NLRP2: variants seen among roughly 807,000 people sequenced by gnomAD.
NLRP2 encodes the protein NLR family pyrin domain containing 2.
In NLRP2, 107 loss-of-function variants were observed where a neutral mutation model predicts 97.2. That is an observed-to-expected ratio of 1.10 (90% confidence interval 0.94 to 1.29). The LOEUF (loss-of-function observed/expected upper bound fraction) is 1.29, where lower values mean the gene tolerates loss of function less well. NLRP2 is among the 50% of genes most tolerant of loss of function. NLRP2 has a pLI of 0.00. For missense variants in NLRP2, 1,495 were observed against 1,330.3 expected, an observed-to-expected ratio of 1.12 and a Z score of -1.93; for synonymous variants, 663 against 551.5, an observed-to-expected ratio of 1.20 and a Z score of -2.83.
At chr19:54,994,551 T>G in intron 11 of NLRP2, 112 bp downstream of exon 11, 2 of 1,088,872 alleles carry the variant, frequency 1.8e-6, no homozygotes, top group South Asian at 1.3e-5. Flanking sequence ...AGAGGACCTT[T>G]ATAGAGTCGA....
rs535953662 is a variant in NLRP2 at position 54,990,140 on chromosome 19, A to G, written c.2485A>G (p.Lys829Glu). 1.2e-6 allele frequency: 2 copies of G among 1,614,094 alleles called. No individual in the cohort carries two copies. The highest frequency in any genetic ancestry group is 2.2e-5 in the East Asian group (1 of 44,872). Reference protein sequence around the residue: ...SDNELLDEGAKLLYTTLRHPK... With the variant: ...SDNELLDEGAELLYTTLRHPK... ...CAATGAGCTTCTGGATGAGGGTGCT[A>G]AGTTGCTGTACACAACTTTGAGACA... The change falls in exon 9 of 13, where the codon AAG (lysine) becomes GAG (glutamate). Residue 829 changes from lysine to glutamate, a missense_variant. By Grantham distance (56) the Lys-to-Glu change is moderately conservative. Coordinates refer to ENST00000448584, the MANE Select transcript of NLRP2 (RefSeq NM_017852.5).
intron 7 of NLRP2, 93 bp from the exon 8 acceptor site, chr19:54,986,058 C>A: frequency 2.3e-6 from 2 of 859,450 alleles, no homozygotes; most frequent in South Asian, 1.4e-5. Flanking sequence ...AAAAATAGTT[C>A]CTAAAGTTTA....
chr19:54,978,234 ATTTT>A (rs5828609), intron 4 of NLRP2, among the ~76,000 whole-genome samples: 17 of 131,756 alleles, frequency 1.3e-4, no homozygotes, highest in African/African-American at 3.8e-4. Context: ...CACCCAGCTA[ATTTT>A]TTTTTTTTTT....
At chr19:54,989,972 C>A in intron 8 of NLRP2, 50 bp from the exon 9 acceptor site, 1 of 1,580,082 alleles carries the variant, frequency 6.3e-7, no homozygotes, top group Non-Finnish European at 8.6e-7. Context: ...AAGAGTGAGA[C>A]TCAGTCTCAA....
intron 6 of NLRP2, 85 bp from the exon 7 acceptor site, chr19:54,984,962 C>A: frequency 7.8e-7 from 1 of 1,286,400 alleles, no homozygotes; most frequent in South Asian, 1.2e-5. Context: ...ACTCATTTGT[C>A]AGGGGTATAT....
intron 8 of NLRP2, among the ~76,000 whole-genome samples, chr19:54,989,186 G>C (rs1254571745): frequency 6.6e-6 from 1 of 151,394 alleles, no homozygotes; most frequent in African/African-American, 2.4e-5. Flanking sequence ...TCAAACTCCT[G>C]ACCTCCTGAT....
chr19:54,991,187 C>T (rs991983847), intron 10 of NLRP2: 10 of 173,882 alleles, frequency 5.8e-5, no homozygotes, highest in Admixed American at 2.7e-4. Flanking sequence ...GGCCAGTGTA[C>T]GCTCAGACTC....
At chr19:54,973,227 A>G (rs1035416971) in intron 2 of NLRP2, among the ~76,000 whole-genome samples, 14 of 151,916 alleles carry the variant, frequency 9.2e-5, no homozygotes, top group Admixed American at 4.0e-4. Flanking sequence ...TAATTACACA[A>G]TGGAATACTC....
At chr19:54,977,729 G>GA in intron 3 of NLRP2, 23 bp from the exon 4 acceptor site, 2 of 1,613,336 alleles carry the variant, frequency 1.2e-6, no homozygotes, top group Non-Finnish European at 1.7e-6. Flanking sequence ...CAACAGGCCT[G>GA]TAATGCCGCC....
At chr19:54,976,466 C>T (rs1234997018) in intron 3 of NLRP2, among the ~76,000 whole-genome samples, 1 of 151,900 alleles carries the variant, frequency 6.6e-6, no homozygotes, top group Admixed American at 6.6e-5. Flanking sequence ...CCTGCCTTAG[C>T]CTCCCAAGTA....
chr19:54,975,848 T>G (rs2071198524), intron 3 of NLRP2, among the ~76,000 whole-genome samples: 1 of 152,046 alleles, frequency 6.6e-6, no homozygotes, highest in Non-Finnish European at 1.5e-5. Flanking sequence ...CCTTCCAGGC[T>G]CCAGAGATCC....
At chr19:54,999,454 C>T (rs995013042) in intron 12 of NLRP2, among the ~76,000 whole-genome samples, 1 of 152,146 alleles carries the variant, frequency 6.6e-6, no homozygotes, top group African/African-American at 2.4e-5. Flanking sequence ...GCCTGCATCT[C>T]CTCTGTTTAA....
intron 1 of NLRP2, among the ~76,000 whole-genome samples, chr19:54,969,659 A>G (rs1176455661): frequency 6.6e-6 from 1 of 152,076 alleles, no homozygotes; most frequent in African/African-American, 2.4e-5. Context: ...TCTCAAAAAT[A>G]AGTAAATAAA....
In NLRP2 at chr19:54,968,701, C is replaced by CTTTTTTTTTTTTTTTTTTTTT. The variant is rs61212213; in HGVS notation, c.-17-1286_-17-1285insTTTTTTTTTTTTTTTTTTTTT. Among the ~76,000 whole-genome samples, 17 of 114,346 alleles carry CTTTTTTTTTTTTTTTTTTTTT rather than the reference C, an allele frequency of 1.5e-4. 1 individual carries two copies. The highest frequency in any genetic ancestry group is 2.6e-4 in the African/African-American group (7 of 26,792). 75.0% of individuals were successfully genotyped at this position (114,346 alleles called of 152,430 possible). On this transcript the variant is annotated intron_variant, in intron 1 of 12. Coordinates refer to ENST00000448584, the MANE Select transcript of NLRP2 (RefSeq NM_017852.5). The stretch of plus-strand genomic sequence containing the variant: ...CTCCACCACTAAGTTATCTTTAAGC[C>CTTTTTTTTTTTTTTTTTTTTT]TTTTTTTTTTTTGAGACAGTTTCAC...
In NLRP2 at chr19:54,985,703, A is replaced by G. The variant is rs867421187; in HGVS notation, c.2202-448A>G. 6.0e-4 allele frequency among the ~76,000 whole-genome samples: 84 copies of G among 140,240 alleles called. 1 individual carries two copies. Among genetic ancestry groups the G allele is most frequent in the African/African-American group, 2.5e-3 (78 of 31,228 alleles). 92.0% of individuals were successfully genotyped at this position (140,240 alleles called of 152,430 possible). ...AAAAAAAAAAAAAAAAAAAAAGAAA[A>G]AGAAAAAAAGGGCCGGGCACAATGG... On this transcript the variant is annotated intron_variant, in intron 7 of 12. Coordinates refer to ENST00000448584, the MANE Select transcript of NLRP2 (RefSeq NM_017852.5).
chr19:55,000,639 G>T, intron 12 of NLRP2, 121 bp from the exon 13 acceptor site: 1 of 954,200 alleles, frequency 1.0e-6, no homozygotes, highest in Non-Finnish European at 1.6e-6. Flanking sequence ...TTGCCACCTA[G>T]AATAATCAGG....
chr19:54,986,926 C>G (rs981673663), intron 8 of NLRP2, among the ~76,000 whole-genome samples: 34 of 151,680 alleles, frequency 2.2e-4, no homozygotes, highest in African/African-American at 7.8e-4. Flanking sequence ...GCTCTGTCAC[C>G]CAGGCTGGAG....
At chr19:54,985,693 A>AG (rs1555776956) in intron 7 of NLRP2, among the ~76,000 whole-genome samples, 3,811 of 141,738 alleles carry the variant, frequency 0.027, 205 homozygotes, top group African/African-American at 0.11. Flanking sequence ...AAAAAAAAAA[A>AG]AAAAAGAAAA....
In NLRP2 at chr19:54,982,150, C is replaced by G. The variant is rs1041013226; in HGVS notation, c.464-12C>G. The G allele has an allele frequency of 2.5e-6, 4 of 1,613,932 alleles. No individual in the cohort carries two copies. Among genetic ancestry groups the G allele is most frequent in the East Asian group, 2.2e-5 (1 of 44,882 alleles). ...GCATCCTCTCTCCCTTCCCTCCTCA[C>G]CAATGATAAAGACAAAGACAATAGG... On this transcript the variant is annotated splice_polypyrimidine_tract_variant and intron_variant, in intron 5 of 12. Transcript: ENST00000448584.
Sources: gnomAD v4.1 joint callset for allele counts (sites outside exome capture counted in the v4.1 genomes callset) on GRCh38, gnomAD v4.1.1 for gene constraint, MANE v1.5 for transcripts, NCBI Gene and HGNC (gene_info 2026-07-23, HGNC 2026-07-21) for gene names.